CMBL: variants seen among roughly 807,000 people sequenced by gnomAD.
CMBL encodes carboxymethylenebutenolidase homolog.
Under a neutral mutation model 28.7 loss-of-function variants are expected in CMBL, and 17 were observed. That is an observed-to-expected ratio of 0.59 (90% CI 0.41 to 0.89). The LOEUF is 0.89. CMBL is among the 40% of genes least tolerant of loss of function. CMBL has a pLI of 0.00. For missense variants in CMBL, 310 were observed against 298.5 expected, an observed-to-expected ratio of 1.04 and a Z score of -0.28; for synonymous variants, 106 against 101.6, an observed-to-expected ratio of 1.04 and a Z score of -0.26.
chr5:10,299,371 T>C (rs1746856442), intron 1 of CMBL, among the ~76,000 whole-genome samples: 1 of 152,218 alleles, frequency 6.6e-6, no homozygotes, highest in Non-Finnish European at 1.5e-5. Flanking sequence ...TGAAATACTA[T>C]TTTCCATCTT....
intron 1 of CMBL, among the ~76,000 whole-genome samples, chr5:10,296,354 C>G (rs151259775): frequency 0.01 from 1,545 of 152,298 alleles, 35 homozygotes; most frequent in African/African-American, 0.035. Flanking sequence ...AATCTCGGCT[C>G]ACTACAACCT....
chr5:10,298,958 G>C, intron 1 of CMBL, among the ~76,000 whole-genome samples: 1 of 152,170 alleles, frequency 6.6e-6, no homozygotes, highest in East Asian at 1.9e-4. Context: ...GTGTCCACGT[G>C]CTGATGGTGG....
At chr5:10,306,099 T>C (rs918334675) in intron 1 of CMBL, among the ~76,000 whole-genome samples, 1 of 152,214 alleles carries the variant, frequency 6.6e-6, no homozygotes, top group African/African-American at 2.4e-5. Context: ...CTTTTAACAA[T>C]GTAATCAAAC....
In CMBL at chr5:10,290,576, C is replaced by T; in HGVS notation, c.187G>A (p.Ala63Thr). ...TATCCATTTCCTGAGATCATGTCAG[C>T]TATATATCTGGTATTGGGCAACTGC... ...GWQLPNTRYI[A>T]DMISGNGYTT... The change falls in exon 2 of 6, where the codon GCT becomes ACT. Residue 63 changes from alanine (A) to threonine (T), a missense_variant. By Grantham distance (58) the Ala-to-Thr change is moderately conservative (BLOSUM62 0). Transcript: ENST00000296658. 6.2e-7 allele frequency: 1 copy of T among 1,614,036 alleles called. No homozygotes were observed. The highest frequency in any genetic ancestry group is 8.5e-7 in the Non-Finnish European group (1 of 1,179,870).
chr5:10,290,369 TG>T, intron 2 of CMBL, 178 bp downstream of exon 2: 1 of 612,520 alleles, frequency 1.6e-6, no homozygotes, highest in Non-Finnish European at 2.9e-6. Flanking sequence ...GAGCACCAGG[TG>T]GGTGTTTAAT....
intron 1 of CMBL, among the ~76,000 whole-genome samples, chr5:10,302,643 T>C (rs1455538197): frequency 6.6e-6 from 1 of 150,754 alleles, no homozygotes; most frequent in Non-Finnish European, 1.5e-5. Flanking sequence ...ACATACCTCA[T>C]TATTCCCTCC....
Position 10,277,868 on chromosome 5 carries a change from T to G in CMBL, c.*2585A>C, listed in dbSNP as rs1426322687. 6.6e-6 allele frequency among the ~76,000 whole-genome samples: 1 copy of G among 152,236 alleles called. No homozygotes were observed. Among genetic ancestry groups the G allele is most frequent in the Admixed American group, 6.5e-5 (1 of 15,274 alleles). Reference sequence around the variant, plus strand: ...ACCATGAAGGATACAGCCACACCCTTGGTTCATTCTCGCACGAATTTCAGA... The same window carrying G: ...ACCATGAAGGATACAGCCACACCCTGGGTTCATTCTCGCACGAATTTCAGA... On this transcript the variant is annotated 3_prime_UTR_variant, in exon 6 of 6. Coordinates refer to ENST00000296658, the MANE Select transcript of CMBL (RefSeq NM_138809.4).
At chr5:10,304,757 A>G (rs754284921) in intron 1 of CMBL, among the ~76,000 whole-genome samples, 83 of 152,094 alleles carry the variant, frequency 5.5e-4, no homozygotes, top group Non-Finnish European at 1.1e-3. Context: ...GTTAGAGACC[A>G]GCCTAGACAA....
At chr5:10,297,569 CAAAAAAAAAAA>C (rs551779818) in intron 1 of CMBL, among the ~76,000 whole-genome samples, 180 of 65,488 alleles carry the variant, frequency 2.7e-3, no homozygotes, top group African/African-American at 8.7e-3. Flanking sequence ...AACTCTATCT[CAAAAAAAAAAA>C]AAAAAAAGAG....
chr5:10,286,490 G>T lies in CMBL; in HGVS notation c.330C>A (p.Ile110=), dbSNP rs770229561. Residue 110 remains isoleucine (I), a synonymous_variant, in exon 4 of 6, where the codon ATC becomes ATA. Coordinates refer to ENST00000296658, the MANE Select transcript of CMBL (RefSeq NM_138809.4). ...TRNAQKIDRE[I]SAILKYLKQQ... ...GTTTCAGATACTTCAAGATAGCACT[G>T]ATCTCTCTAGAACAGAAAGAAAAAA... 16 of 1,613,618 alleles carry T rather than the reference G, an allele frequency of 9.9e-6. No homozygotes were observed. The South Asian group carries it at 1.8e-4, about 18-fold the overall frequency.
Position 10,290,613 on chromosome 5 carries a change from ATC to A in CMBL, c.148_149del (p.Asp50TyrfsTer14). On this transcript the variant is annotated frameshift_variant, in exon 2 of 6. Transcript: ENST00000296658. LOFTEE classifies it high-confidence loss of function. ...DAGKAVIVIQDIFGWQLPNTR... is the reference protein window; with the variant it reads ...DAGKAVIVIQXIFGWQLPNTR... ...TATTGGGCAACTGCCAGCCAAATAT[ATC>A]TTGAATGACAATCACAGCTTTGCCT... 6.2e-7 allele frequency: 1 copy of A among 1,614,226 alleles called. No individual in the cohort carries two copies. Among genetic ancestry groups the A allele is most frequent in the Non-Finnish European group, 8.5e-7 (1 of 1,180,042 alleles).
At chr5:10,283,309 C>T (rs1486161203) in intron 4 of CMBL, among the ~76,000 whole-genome samples, 1 of 152,146 alleles carries the variant, frequency 6.6e-6, no homozygotes, top group Non-Finnish European at 1.5e-5. Context: ...GTCAAACCTT[C>T]GCTTGAGAAG....
chr5:10,298,258 G>A (rs1393276507), intron 1 of CMBL, among the ~76,000 whole-genome samples: 2 of 152,016 alleles, frequency 1.3e-5, no homozygotes, highest in African/African-American at 4.8e-5. Flanking sequence ...AAGTAGGAAA[G>A]GCGAAATTTC....
At chr5:10,288,264 A>G (rs1172529044) in intron 3 of CMBL, among the ~76,000 whole-genome samples, 158 bp downstream of exon 3, 4 of 151,896 alleles carry the variant, frequency 2.6e-5, no homozygotes, top group Non-Finnish European at 5.9e-5. Flanking sequence ...AGCAAAAACA[A>G]AAAAAAATTT....
At chr5:10,297,083 G>A (rs1287649307) in intron 1 of CMBL, among the ~76,000 whole-genome samples, 2 of 151,580 alleles carry the variant, frequency 1.3e-5, no homozygotes, top group African/African-American at 4.9e-5. Flanking sequence ...TACTTGGGAC[G>A]CTGAGGCAGG....
intron 1 of CMBL, among the ~76,000 whole-genome samples, chr5:10,297,989 CAG>C (rs1055525903): frequency 2.0e-5 from 3 of 152,096 alleles, no homozygotes; most frequent in Non-Finnish European, 2.9e-5. Context: ...AGCAGGAAAA[CAG>C]GGGACCAGCG....
intron 2 of CMBL, 138 bp downstream of exon 2, chr5:10,290,410 G>A (rs10038129): frequency 4.1e-5 from 28 of 686,640 alleles, no homozygotes; most frequent in Non-Finnish European, 6.2e-5. Flanking sequence ...CTATCTTCAC[G>A]GCAGTGAGAT....
Position 10,282,714 on chromosome 5 carries a change from G to A in CMBL, c.467-426C>T, listed in dbSNP as rs577076713. Among the ~76,000 whole-genome samples the A allele has an allele frequency of 1.6e-3, 246 of 152,196 alleles. 1 individual carries two copies. Among genetic ancestry groups the A allele is most frequent in the African/African-American group, 5.6e-3 (232 of 41,516 alleles). ...TGGGCGGATTGCTTGAGCCTGGAAA[G>A]TTGAGGCTGCAGTGAGCCGTTTGTG... On this transcript the variant is annotated intron_variant, in intron 4 of 5. Coordinates refer to ENST00000296658, the MANE Select transcript of CMBL (RefSeq NM_138809.4).
intron 1 of CMBL, among the ~76,000 whole-genome samples, chr5:10,292,840 A>T (rs1746751096): frequency 6.6e-6 from 1 of 151,690 alleles, no homozygotes; most frequent in South Asian, 2.1e-4. Flanking sequence ...AAAAAAAAAA[A>T]AAAAATTAAG....
Sources: allele counts gnomAD v4.1 joint callset (sites outside exome capture counted in the v4.1 genomes callset), GRCh38; gene constraint gnomAD v4.1.1; transcripts MANE v1.5; gene names NCBI Gene and HGNC (gene_info 2026-07-23, HGNC 2026-07-21).